Variants in PARD3 observed in about 807,000 individuals in gnomAD.
PARD3 encodes partitioning defective 3 homolog.
In PARD3, 75 loss-of-function variants were observed where a neutral mutation model predicts 155.4. That is an observed-to-expected ratio of 0.48 (90% confidence interval 0.40 to 0.58). PARD3 has a LOEUF of 0.58. Ranked by LOEUF, PARD3 falls within the 20% of genes least tolerant of loss-of-function variation. The pLI, the probability that PARD3 is intolerant of heterozygous loss-of-function variation, is 0.00. For synonymous variants in PARD3, 576 were observed against 610.5 expected (o/e 0.94, Z 0.83); for missense variants, 1,642 against 1,721.7 (o/e 0.95, Z 0.82).
chr10:34,679,380 G>GCT (rs1401961389), intron 2 of PARD3, among the ~76,000 whole-genome samples: 3 of 152,100 alleles, frequency 2.0e-5, no homozygotes, highest in Non-Finnish European at 4.4e-5. Flanking sequence ...TCAGCAGGGT[G>GCT]TGAGAGCACA....
intron 7 of PARD3, 136 bp downstream of exon 7, chr10:34,399,194 T>G (rs1843644879): frequency 3.0e-6 from 2 of 664,910 alleles, no homozygotes; most frequent in South Asian, 3.5e-5. Context: ...TATATAGGAA[T>G]GAAGGAGCAG....
intron 23 of PARD3, among the ~76,000 whole-genome samples, chr10:34,126,497 G>A (rs1947297692): frequency 6.6e-6 from 1 of 152,160 alleles, no homozygotes; most frequent in African/African-American, 2.4e-5. Context: ...CAGCTTGAAG[G>A]TGAGTTTGTG....
intron 22 of PARD3, among the ~76,000 whole-genome samples, chr10:34,191,754 A>T (rs1173165695): frequency 1.3e-5 from 2 of 152,108 alleles, no homozygotes; most frequent in Non-Finnish European, 2.9e-5. Context: ...GACAGAGCAG[A>T]TCCAACTCCC....
At chr10:34,670,591 G>C (rs1330124784) in intron 2 of PARD3, among the ~76,000 whole-genome samples, 1 of 152,182 alleles carries the variant, frequency 6.6e-6, no homozygotes, top group African/African-American at 2.4e-5. Flanking sequence ...TTCTGATTCA[G>C]CGAGTCCTGA....
chr10:34,655,767 G>A (rs1476860388), intron 2 of PARD3, among the ~76,000 whole-genome samples: 1 of 152,166 alleles, frequency 6.6e-6, no homozygotes, highest in Non-Finnish European at 1.5e-5. Flanking sequence ...ACAAGGGGGA[G>A]CCAATGGGTC....
chr10:34,451,860 G>C (rs777096546), intron 4 of PARD3, among the ~76,000 whole-genome samples: 2 of 150,170 alleles, frequency 1.3e-5, no homozygotes, highest in Non-Finnish European at 3.0e-5. Flanking sequence ...AAGGTTCACC[G>C]TATCTCAAGA....
At chr10:34,605,348 C>T (rs1467576994) in intron 2 of PARD3, among the ~76,000 whole-genome samples, 1 of 149,072 alleles carries the variant, frequency 6.7e-6, no homozygotes, top group African/African-American at 2.5e-5. Flanking sequence ...CGCCTACCAC[C>T]ACGCCTGGCT....
chr10:34,282,915 C>A (rs1453488748), intron 21 of PARD3, among the ~76,000 whole-genome samples: 1 of 152,036 alleles, frequency 6.6e-6, no homozygotes, highest in Non-Finnish European at 1.5e-5. Context: ...TCCTACAAAG[C>A]AAGGTGAAAT....
chr10:34,731,152 T>C (rs936301893), intron 1 of PARD3, among the ~76,000 whole-genome samples: 3 of 152,236 alleles, frequency 2.0e-5, no homozygotes, highest in Admixed American at 6.5e-5. Flanking sequence ...ACCTTTATAA[T>C]GATCTTCCAA....
chr10:34,765,638 A>G (rs1384560723), intron 1 of PARD3, among the ~76,000 whole-genome samples: 1 of 151,352 alleles, frequency 6.6e-6, no homozygotes, highest in African/African-American at 2.4e-5. Context: ...AGATCACACC[A>G]CTGCACTCCA....
intron 21 of PARD3, among the ~76,000 whole-genome samples, chr10:34,275,287 T>C (rs750210307): frequency 2.6e-5 from 4 of 152,228 alleles, no homozygotes; most frequent in Non-Finnish European, 5.9e-5. Context: ...CTTTCCAATG[T>C]GGCAGCTTAC....
chr10:34,467,501 C>G (rs1366745327), intron 4 of PARD3, among the ~76,000 whole-genome samples: 1 of 151,996 alleles, frequency 6.6e-6, no homozygotes. Context: ...GTAATTCCAG[C>G]CTTTGGGACG....
At chr10:34,111,698 T>TATCGCAGTGTCTG in intron 24 of PARD3, 136 bp from the exon 25 acceptor site, 1 of 714,134 alleles carries the variant, frequency 1.4e-6, no homozygotes, top group Non-Finnish European at 2.3e-6. Flanking sequence ...TGCCAGACAC[T>TATCGCAGTGTCTG]GCGATAGGGG....
chr10:34,691,810 A>AT (rs773123759), intron 2 of PARD3, among the ~76,000 whole-genome samples: 4 of 150,624 alleles, frequency 2.7e-5, no homozygotes, highest in African/African-American at 7.4e-5. Context: ...CATCTATCTG[A>AT]TCTTTGACAA....
At chr10:34,520,007 T>C (rs2082045072) in intron 2 of PARD3, among the ~76,000 whole-genome samples, 1 of 152,072 alleles carries the variant, frequency 6.6e-6, no homozygotes, top group Admixed American at 6.5e-5. Context: ...AAAAGAACCA[T>C]GACTGGAACC....
At chr10:34,269,004 A>C (rs1285156135) in intron 22 of PARD3, among the ~76,000 whole-genome samples, 1 of 152,202 alleles carries the variant, frequency 6.6e-6, no homozygotes, top group Non-Finnish European at 1.5e-5. Flanking sequence ...TACCCCAAAT[A>C]TCCTGACATG....
chr10:34,154,809 A>G (rs897731825), intron 22 of PARD3, among the ~76,000 whole-genome samples: 6 of 152,182 alleles, frequency 3.9e-5, no homozygotes, highest in Non-Finnish European at 8.8e-5. Context: ...CTGCCTGAGC[A>G]TGTTTCTTTC....
At chr10:34,523,888 T>C (rs554402841) in intron 2 of PARD3, among the ~76,000 whole-genome samples, 2 of 152,340 alleles carry the variant, frequency 1.3e-5, no homozygotes, top group South Asian at 4.1e-4. Context: ...TAGATTTCTA[T>C]AATTAGGATC....
At chr10:34,430,344 A>G (rs1303844421) in intron 5 of PARD3, among the ~76,000 whole-genome samples, 1 of 152,250 alleles carries the variant, frequency 6.6e-6, no homozygotes, top group East Asian at 1.9e-4. Flanking sequence ...AGAATAGAAT[A>G]GACTATTGTA....
Sources: allele counts gnomAD v4.1 joint callset (sites outside exome capture counted in the v4.1 genomes callset), GRCh38; gene constraint gnomAD v4.1.1; transcripts MANE v1.5; gene names NCBI Gene and HGNC (gene_info 2026-07-23, HGNC 2026-07-21).